The following MNAT1 variants were observed in gnomAD, a reference collection of about 807,000 sequenced individuals.
MNAT1 encodes the protein CDK-activating kinase assembly factor MAT1.
MNAT1 carries 43 observed loss-of-function variants against 42.0 expected under a neutral mutation model. The ratio of observed to expected loss-of-function variants is 1.02; its 90% CI spans 0.80 to 1.32. The LOEUF (loss-of-function observed/expected upper bound fraction) is 1.32. Ranked by LOEUF, MNAT1 falls within the 40% of genes most tolerant of loss-of-function variation. MNAT1 has a pLI of 0.00. For missense variants in MNAT1, 306 were observed against 350.4 expected (o/e 0.87, Z 1.01); for synonymous variants, 118 against 120.0 (o/e 0.98, Z 0.11).
intron 1 of MNAT1, among the ~76,000 whole-genome samples, chr14:60,739,151 A>G (rs1241882890): frequency 6.6e-6 from 1 of 152,076 alleles, no homozygotes; most frequent in African/African-American, 2.4e-5. Context: ...AGAACTAGTG[A>G]TATGAGCGGA....
At chr14:60,766,232 C>T (rs1326376896) in intron 1 of MNAT1, among the ~76,000 whole-genome samples, 2 of 151,570 alleles carry the variant, frequency 1.3e-5, no homozygotes, top group African/African-American at 4.9e-5. Flanking sequence ...CCCATAATCC[C>T]AGCTACTTGG....
At position 60,835,844 on chromosome 14, in the gene MNAT1, G is replaced by A. The variant is rs147469781; in HGVS notation, c.687+16997G>A. 1.7e-3 allele frequency among the ~76,000 whole-genome samples: 265 copies of A among 152,268 alleles called. 1 individual carries two copies. Among genetic ancestry groups the A allele is most frequent in the African/African-American group, 5.6e-3 (233 of 41,542 alleles). On this transcript the variant is annotated intron_variant, in intron 6 of 7. Transcript: ENST00000261245. ...GAGGAGTGTTTTCCAGCTTGGTTCC[G>A]TTCTTTCCGTCACTTTCAGGTACAC... is the stretch of plus-strand genomic sequence containing the variant.
intron 7 of MNAT1, among the ~76,000 whole-genome samples, chr14:60,913,203 T>C (rs2035422861): frequency 6.6e-6 from 1 of 152,200 alleles, no homozygotes; most frequent in Non-Finnish European, 1.5e-5. Context: ...TTCTCTGCAT[T>C]GGTTATTCTA....
At chr14:60,867,170 A>G (rs1480713326) in intron 6 of MNAT1, among the ~76,000 whole-genome samples, 3 of 152,138 alleles carry the variant, frequency 2.0e-5, no homozygotes, top group East Asian at 3.9e-4. Context: ...GCCCTTAGCT[A>G]GATAGTTATA....
intron 7 of MNAT1, among the ~76,000 whole-genome samples, chr14:60,942,188 C>G (rs369071127): frequency 5.3e-5 from 8 of 151,896 alleles, no homozygotes; most frequent in Non-Finnish European, 8.8e-5. Context: ...AAATGATTAC[C>G]GTTAAGTTGT....
At chr14:60,967,356 G>A (rs1402413422) in intron 7 of MNAT1, among the ~76,000 whole-genome samples, 3 of 152,198 alleles carry the variant, frequency 2.0e-5, no homozygotes, top group Non-Finnish European at 4.4e-5. Flanking sequence ...TGCCATACCA[G>A]TAATTCTAAG....
At chr14:60,909,095 G>A (rs1297354481) in intron 7 of MNAT1, among the ~76,000 whole-genome samples, 2 of 152,190 alleles carry the variant, frequency 1.3e-5, no homozygotes, top group South Asian at 2.1e-4. Flanking sequence ...ATTTTTTCAT[G>A]TGTCTGTTGG....
At chr14:60,907,916 G>A (rs2035246417) in intron 7 of MNAT1, among the ~76,000 whole-genome samples, 1 of 151,044 alleles carries the variant, frequency 6.6e-6, no homozygotes, top group Non-Finnish European at 1.5e-5. Context: ...TTATCACTAA[G>A]ATATTTCCTA....
chr14:60,902,102 A>C lies in MNAT1; in HGVS notation c.809+22267A>C, dbSNP rs559235628. ...TTTAAGAAATTGCTATGACCTCCCC[A>C]GTCTTCAGCAACCACCATTGTGATC... On this transcript the variant is annotated intron_variant, in intron 7 of 7. Coordinates refer to ENST00000261245, the MANE Select transcript of MNAT1 (RefSeq NM_002431.4). Among the ~76,000 whole-genome samples, 4 of 152,352 alleles carry C rather than the reference A, an allele frequency of 2.6e-5. No homozygotes were observed. In the South Asian group the frequency reaches 6.2e-4, roughly 24 times the overall value.
At chr14:60,878,155 G>A (rs1359337853) in intron 6 of MNAT1, among the ~76,000 whole-genome samples, 3 of 151,942 alleles carry the variant, frequency 2.0e-5, no homozygotes, top group Non-Finnish European at 2.9e-5. Flanking sequence ...TTGTACACAA[G>A]GGAACTTTAA....
chr14:60,776,376 A>C (rs986625939), intron 1 of MNAT1, among the ~76,000 whole-genome samples: 4 of 152,186 alleles, frequency 2.6e-5, no homozygotes, highest in African/African-American at 9.7e-5. Context: ...ACAAGATTGC[A>C]GGCTGAAGGT....
intron 7 of MNAT1, among the ~76,000 whole-genome samples, chr14:60,943,003 AGTGTGTGTGTGT>A (rs138575597): frequency 0.07 from 5,493 of 78,440 alleles, 611 homozygotes; most frequent in African/African-American, 0.23. Context: ...AACCACATGT[AGTGTGTGTGTGT>A]GTGTGTGTGT....
intron 7 of MNAT1, among the ~76,000 whole-genome samples, chr14:60,915,838 G>C (rs1280500029): frequency 6.6e-6 from 1 of 152,178 alleles, no homozygotes; most frequent in Non-Finnish European, 1.5e-5. Flanking sequence ...CTCATGCCTT[G>C]AATTTTACCT....
At chr14:60,912,065 C>T (rs1330820132) in intron 7 of MNAT1, among the ~76,000 whole-genome samples, 1 of 151,550 alleles carries the variant, frequency 6.6e-6, no homozygotes, top group Non-Finnish European at 1.5e-5. Context: ...GATCCCTTTA[C>T]CATTATGTAA....
chr14:60,755,758 C>T (rs1427138908), intron 1 of MNAT1, among the ~76,000 whole-genome samples: 1 of 152,154 alleles, frequency 6.6e-6, no homozygotes, highest in Non-Finnish European at 1.5e-5. Flanking sequence ...GTAATTGGCT[C>T]TTGTTTTGGC....
At chr14:60,901,812 C>T (rs7150106) in intron 7 of MNAT1, among the ~76,000 whole-genome samples, 140,714 of 152,250 alleles carry the variant, frequency 0.92, 65,569 homozygotes, top group Non-Finnish European at 0.99. Context: ...AACTGACTCT[C>T]AGGGATGAGT....
At chr14:60,816,944 TGTG>T (rs1193330654) in intron 5 of MNAT1, among the ~76,000 whole-genome samples, 2 of 152,002 alleles carry the variant, frequency 1.3e-5, no homozygotes, top group Non-Finnish European at 2.9e-5. Context: ...GTTCCTTTTA[TGTG>T]AATGTGAAAC....
intron 3 of MNAT1, among the ~76,000 whole-genome samples, chr14:60,805,757 A>G (rs762949315): frequency 6.6e-6 from 1 of 152,184 alleles, no homozygotes; most frequent in Non-Finnish European, 1.5e-5. Flanking sequence ...GTGCTGAATA[A>G]TATTACATTT....
chr14:60,833,589 A>G (rs1250325586), intron 6 of MNAT1, among the ~76,000 whole-genome samples: 1 of 152,128 alleles, frequency 6.6e-6, no homozygotes. Context: ...CCAGTATTTT[A>G]TTGAGAATTT....
Sources: gnomAD v4.1 joint callset for allele counts (sites outside exome capture counted in the v4.1 genomes callset) on GRCh38, gnomAD v4.1.1 for gene constraint, MANE v1.5 for transcripts, NCBI Gene and HGNC (gene_info 2026-07-23, HGNC 2026-07-21) for gene names.